EPHA6: variants seen among roughly 807,000 people sequenced by gnomAD.
EPHA6 encodes the protein EPH receptor A6.
A neutral mutation model predicts 112.0 loss-of-function variants in EPHA6; 50 were observed. That is an observed-to-expected ratio of 0.45 (90% confidence interval 0.36 to 0.56). The LOEUF (loss-of-function observed/expected upper bound fraction) is 0.56, where lower values mean the gene tolerates loss of function less well. Among genes scored for constraint, EPHA6 ranks in the 20% least tolerant of loss-of-function variants. EPHA6 has a pLI of 0.00. For synonymous variants in EPHA6, 529 were observed against 490.7 expected, an observed-to-expected ratio of 1.08 and a Z score of -1.03; for missense variants, 1,280 against 1,417.4, an observed-to-expected ratio of 0.90 and a Z score of 1.56.
intron 3 of EPHA6, among the ~76,000 whole-genome samples, chr3:97,105,408 A>T (rs909005944): frequency 6.6e-6 from 1 of 152,142 alleles, no homozygotes; most frequent in East Asian, 1.9e-4. Flanking sequence ...TTCATTATTT[A>T]TCCAAATGTC....
At chr3:97,274,204 G>A (rs1018981006) in intron 5 of EPHA6, among the ~76,000 whole-genome samples, 3 of 152,178 alleles carry the variant, frequency 2.0e-5, no homozygotes, top group South Asian at 4.1e-4. Flanking sequence ...AGAACCATTT[G>A]CCTTGTGTGG....
chr3:97,446,160 A>G (rs2090339472), intron 6 of EPHA6, among the ~76,000 whole-genome samples: 1 of 152,184 alleles, frequency 6.6e-6, no homozygotes, highest in Non-Finnish European at 1.5e-5. Flanking sequence ...CCAAGAGCTT[A>G]AAAACACCAG....
At position 97,747,515 on chromosome 3, in the gene EPHA6, A is replaced by T; in HGVS notation, c.3221A>T (p.Asn1074Ile). The part of the protein sequence containing the change: ...LDSIKMGQYK[N>I]NFVAAGFTTF... ...TCTATAAAGATGGGGCAATACAAGA[A>T]TAACTTCGTGGCAGCAGGGTTTACA... Residue 1074 changes from asparagine (N) to isoleucine (I), a missense_variant, in exon 17 of 18, where the codon AAT becomes ATT. Physicochemically the swap from Asn to Ile is moderately radical, Grantham distance 149. This residue lies in a region of EPHA6 where 145 missense variants were observed against 153.3 expected (regional missense o/e 0.95). Coordinates refer to ENST00000389672, the MANE Select transcript of EPHA6 (RefSeq NM_001080448.3). 6.2e-7 allele frequency: 1 copy of T among 1,611,114 alleles called. No homozygotes were observed. Among genetic ancestry groups the T allele is most frequent in the Non-Finnish European group, 8.5e-7 (1 of 1,178,360 alleles).
intron 2 of EPHA6, among the ~76,000 whole-genome samples, chr3:96,899,230 C>T (rs1051698054): frequency 6.6e-6 from 1 of 152,114 alleles, no homozygotes; most frequent in Non-Finnish European, 1.5e-5. Context: ...GTGTATCACT[C>T]TACCTTCTGC....
intron 2 of EPHA6, among the ~76,000 whole-genome samples, chr3:96,896,441 G>A (rs1280692813): frequency 1.3e-5 from 2 of 152,092 alleles, no homozygotes; most frequent in African/African-American, 4.8e-5. Flanking sequence ...CTGTTAAAGT[G>A]GGCAATGAAA....
intron 1 of EPHA6, among the ~76,000 whole-genome samples, chr3:96,846,888 T>G (rs2035105152): frequency 6.6e-6 from 1 of 152,074 alleles, no homozygotes; most frequent in Non-Finnish European, 1.5e-5. Flanking sequence ...TTAGACCATG[T>G]CCAGACTGCT....
At chr3:97,528,114 GGT>G (rs1351039825) in intron 10 of EPHA6, among the ~76,000 whole-genome samples, 1 of 152,070 alleles carries the variant, frequency 6.6e-6, no homozygotes, top group East Asian at 1.9e-4. Context: ...CAGGATTTCT[GGT>G]GTTTTGGGGT....
At chr3:97,184,600 G>A (rs889211087) in intron 3 of EPHA6, among the ~76,000 whole-genome samples, 1 of 152,098 alleles carries the variant, frequency 6.6e-6, no homozygotes, top group Non-Finnish European at 1.5e-5. Context: ...CCATGCTCAT[G>A]GGTAGGAAGA....
chr3:97,186,769 A>G (rs984966104), intron 3 of EPHA6, among the ~76,000 whole-genome samples: 1 of 152,066 alleles, frequency 6.6e-6, no homozygotes, highest in African/African-American at 2.4e-5. Flanking sequence ...TTGTGACCTC[A>G]TGACTTCTTA....
intron 3 of EPHA6, among the ~76,000 whole-genome samples, chr3:97,130,214 CAT>C (rs922825387): frequency 1.3e-5 from 2 of 151,862 alleles, no homozygotes; most frequent in Non-Finnish European, 2.9e-5. Context: ...GGATTATGCA[CAT>C]GTCTACAGTA....
intron 15 of EPHA6, among the ~76,000 whole-genome samples, chr3:97,729,719 T>TC (rs2034949104): frequency 6.6e-6 from 1 of 151,532 alleles, no homozygotes; most frequent in Non-Finnish European, 1.5e-5. Context: ...TCTTTTTTTT[T>TC]GCTCATGTAG....
intron 3 of EPHA6, among the ~76,000 whole-genome samples, chr3:97,113,720 T>A (rs970544387): frequency 6.6e-6 from 1 of 151,956 alleles, no homozygotes; most frequent in Non-Finnish European, 1.5e-5. Context: ...TCTCCCTCCT[T>A]CTCTCTCTCT....
chr3:97,554,615 A>G (rs948905497), intron 11 of EPHA6, among the ~76,000 whole-genome samples: 8 of 152,068 alleles, frequency 5.3e-5, no homozygotes, highest in Admixed American at 3.3e-4. Flanking sequence ...TCTTTTCAAC[A>G]TAGAACTTCA....
intron 10 of EPHA6, among the ~76,000 whole-genome samples, chr3:97,497,477 C>T (rs1180518947): frequency 6.6e-6 from 1 of 152,064 alleles, no homozygotes; most frequent in African/African-American, 2.4e-5. Flanking sequence ...CTTTCTTACT[C>T]TCCTTCCCTC....
chr3:96,947,848 C>T (rs1236567006), intron 2 of EPHA6, among the ~76,000 whole-genome samples: 3 of 152,058 alleles, frequency 2.0e-5, no homozygotes, highest in Non-Finnish European at 4.4e-5. Flanking sequence ...GATTCAATGC[C>T]ATCCCCATCA....
intron 7 of EPHA6, among the ~76,000 whole-genome samples, chr3:97,462,137 A>C (rs1465923738): frequency 6.6e-6 from 1 of 152,214 alleles, no homozygotes; most frequent in Non-Finnish European, 1.5e-5. Flanking sequence ...GACCATGTGC[A>C]AGTTAATTAG....
chr3:97,213,469 G>A (rs1472878759), intron 3 of EPHA6, among the ~76,000 whole-genome samples: 1 of 152,056 alleles, frequency 6.6e-6, no homozygotes, highest in East Asian at 1.9e-4. Context: ...AAGAAAAAAC[G>A]GGTGGGGAAT....
intron 10 of EPHA6, among the ~76,000 whole-genome samples, chr3:97,516,898 T>C (rs2092456055): frequency 6.6e-6 from 1 of 152,086 alleles, no homozygotes; most frequent in Admixed American, 6.6e-5. Context: ...TAGGTTGTTT[T>C]CCCCCCTCAT....
At chr3:97,096,323 A>T (rs2047238069) in intron 3 of EPHA6, among the ~76,000 whole-genome samples, 1 of 151,786 alleles carries the variant, frequency 6.6e-6, no homozygotes, top group African/African-American at 2.4e-5. Flanking sequence ...CTATATCTAT[A>T]TAGTTGAGTG....
Sources: allele counts gnomAD v4.1 joint callset (sites outside exome capture counted in the v4.1 genomes callset), GRCh38; gene constraint gnomAD v4.1.1; regional missense constraint gnomAD v4.1.1; transcripts MANE v1.5; gene names NCBI Gene and HGNC (gene_info 2026-07-23, HGNC 2026-07-21).